AGBL4: variants seen among roughly 807,000 people sequenced by gnomAD.
The protein encoded by AGBL4 is AGBL carboxypeptidase 4.
A neutral mutation model predicts 66.4 loss-of-function variants in AGBL4; 58 were observed. That is an observed-to-expected ratio of 0.87 (90% confidence interval 0.71 to 1.09). AGBL4 has a LOEUF of 1.09. Among genes scored for constraint, AGBL4 ranks in the 50% least tolerant of loss-of-function variants. AGBL4 has a pLI of 0.00. For missense variants in AGBL4, 579 were observed against 631.0 expected, an observed-to-expected ratio of 0.92 and a Z score of 0.88; for synonymous variants, 234 against 222.9, an observed-to-expected ratio of 1.05 and a Z score of -0.44.
chr1:49,931,446 A>G (rs1653346734), intron 1 of AGBL4, among the ~76,000 whole-genome samples: 1 of 152,120 alleles, frequency 6.6e-6, no homozygotes, highest in Non-Finnish European at 1.5e-5. Flanking sequence ...TGGAAGGTGA[A>G]GGGGAAACAA....
At chr1:49,995,673 T>C (rs965636435) in intron 1 of AGBL4, 1 of 170,898 alleles carries the variant, frequency 5.9e-6, no homozygotes, top group African/African-American at 2.4e-5. Flanking sequence ...GCTTGTATTC[T>C]CCCTATACTA....
chr1:49,371,229 A>G (rs1000574613), intron 3 of AGBL4, among the ~76,000 whole-genome samples: 2 of 61,064 alleles, frequency 3.3e-5, no homozygotes, highest in African/African-American at 7.7e-5. Context: ...AGATAGATAT[A>G]TAGATAGATA....
intron 5 of AGBL4, among the ~76,000 whole-genome samples, chr1:48,888,643 A>G (rs936523137): frequency 1.3e-5 from 2 of 152,140 alleles, no homozygotes; most frequent in Admixed American, 6.5e-5. Flanking sequence ...TGCCTCCTGT[A>G]CAGCTTATGG....
At chr1:48,700,832 G>T (rs1035916543) in intron 6 of AGBL4, among the ~76,000 whole-genome samples, 1 of 152,180 alleles carries the variant, frequency 6.6e-6, no homozygotes, top group African/African-American at 2.4e-5. Flanking sequence ...TCTCAGGGAG[G>T]TGATGAATAC....
At chr1:48,578,648 T>C (rs139704847) in intron 11 of AGBL4, among the ~76,000 whole-genome samples, 394 of 152,280 alleles carry the variant, frequency 2.6e-3, no homozygotes, top group African/African-American at 9.2e-3. Context: ...CCCAACCACA[T>C]ACAGATGCCG....
In AGBL4 at chr1:49,281,192, A is replaced by C. The variant is rs1268597936; in HGVS notation, c.283-35328T>G. Reference sequence around the variant, plus strand: ...TGTTTTGGTCACTTTCACAGATGAGATGGGCTCTCTCACACAAAATTTGGT... The same window carrying C: ...TGTTTTGGTCACTTTCACAGATGAGCTGGGCTCTCTCACACAAAATTTGGT... On this transcript the variant is annotated intron_variant, in intron 3 of 13. Transcript: ENST00000371839. Among the ~76,000 whole-genome samples, 4 of 152,328 alleles carry C rather than the reference A, an allele frequency of 2.6e-5. No homozygotes were observed. The South Asian group carries it at 6.2e-4, about 24-fold the overall frequency.
intron 9 of AGBL4, among the ~76,000 whole-genome samples, chr1:48,628,098 G>A (rs751375760): frequency 1.3e-5 from 2 of 152,140 alleles, no homozygotes. Flanking sequence ...CTACAGTGCC[G>A]GGTTCTGTGC....
At chr1:49,993,402 C>T (rs1382705849) in intron 1 of AGBL4, among the ~76,000 whole-genome samples, 1 of 152,164 alleles carries the variant, frequency 6.6e-6, no homozygotes, top group African/African-American at 2.4e-5. Flanking sequence ...CTACTATACT[C>T]TTCCTTTCTA....
At chr1:48,675,291 C>A (rs950019531) in intron 6 of AGBL4, among the ~76,000 whole-genome samples, 1 of 152,192 alleles carries the variant, frequency 6.6e-6, no homozygotes. Context: ...CCCTAGACCC[C>A]CTTGACAGAA....
rs1269051774 is a variant in AGBL4, at chr1:49,790,835, GAGTAACAAC to G, written c.157+60552_157+60560del. On this transcript the variant is annotated intron_variant, in intron 2 of 13. Coordinates refer to ENST00000371839, the MANE Select transcript of AGBL4 (RefSeq NM_032785.4). The stretch of plus-strand genomic sequence containing the variant: ...GGTGAAAACCTGTATCTACAAGAAA[GAGTAACAAC>G]AGAAATGGCAGATAATCGACTATAT... Among the ~76,000 whole-genome samples, 10 of 152,268 alleles carry G rather than the reference GAGTAACAAC, an allele frequency of 6.6e-5. No homozygotes were observed. In the East Asian group the frequency reaches 1.9e-3, roughly 29 times the overall value.
In AGBL4 at chr1:49,733,819, T is replaced by C. The variant is rs1023817037; in HGVS notation, c.158-36382A>G. On this transcript the variant is annotated intron_variant, in intron 2 of 13. Coordinates refer to ENST00000371839, the MANE Select transcript of AGBL4 (RefSeq NM_032785.4). The stretch of plus-strand genomic sequence containing the variant: ...TTACTCTACAACCAAAGCCAGGCAA[T>C]GGCCCCACAAGAAAACTAATAACTA... Among the ~76,000 whole-genome samples the C allele has an allele frequency of 3.3e-5, 5 of 152,186 alleles. No individual in the cohort carries two copies. The South Asian group carries it at 1.0e-3, about 32-fold the overall frequency.
At chr1:49,590,600 G>C (rs1243871737) in intron 3 of AGBL4, among the ~76,000 whole-genome samples, 1 of 151,968 alleles carries the variant, frequency 6.6e-6, no homozygotes, top group Non-Finnish European at 1.5e-5. Context: ...TTACGTAAGA[G>C]AGCGTATAAT....
chr1:49,434,708 C>CTGGTGG lies in AGBL4; in HGVS notation c.283-188850_283-188845dup, dbSNP rs886754094. ...AGTGGTGGTGGTGGTGGTGGTGGTG[C>CTGGTGG]TGGTGGTGGTGGTGGTGGTGGTGGT... is the stretch of plus-strand genomic sequence containing the variant. On this transcript the variant is annotated intron_variant, in intron 3 of 13. Transcript: ENST00000371839. Among the ~76,000 whole-genome samples the CTGGTGG allele has an allele frequency of 1.1e-4, 16 of 143,818 alleles. No homozygotes were observed. In the South Asian group the frequency reaches 3.2e-3, roughly 28 times the overall value. The allele number at this position is 143,818 out of a possible 152,430, so 94.4% of individuals were successfully genotyped here. A position where few individuals can be genotyped will look rare whatever the true frequency, so the allele number is the denominator to read the frequency against.
chr1:49,115,254 C>T (rs1022555673), intron 4 of AGBL4, among the ~76,000 whole-genome samples: 1 of 152,092 alleles, frequency 6.6e-6, no homozygotes, highest in African/African-American at 2.4e-5. Context: ...CAGATGGGAA[C>T]TTGTTTAGGG....
intron 3 of AGBL4, among the ~76,000 whole-genome samples, chr1:49,364,257 T>C (rs950973671): frequency 2.6e-5 from 4 of 152,146 alleles, no homozygotes; most frequent in African/African-American, 9.7e-5. Context: ...TATAGTGTAG[T>C]ATAGGGCTAA....
At chr1:49,998,776 A>G (rs943945874) in intron 1 of AGBL4, among the ~76,000 whole-genome samples, 14 of 152,236 alleles carry the variant, frequency 9.2e-5, no homozygotes, top group Non-Finnish European at 1.9e-4. Context: ...GGGATGGTTT[A>G]ACATATGCAA....
At chr1:49,152,969 A>C (rs1646366379) in intron 4 of AGBL4, among the ~76,000 whole-genome samples, 1 of 152,142 alleles carries the variant, frequency 6.6e-6, no homozygotes, top group African/African-American at 2.4e-5. Flanking sequence ...CCTCACAATC[A>C]GAATGGAGAG....
intron 4 of AGBL4, among the ~76,000 whole-genome samples, chr1:49,152,440 C>T (rs912292489): frequency 3.9e-5 from 6 of 152,180 alleles, no homozygotes; most frequent in African/African-American, 1.4e-4. Flanking sequence ...CATCCAGTCT[C>T]GCCCACCAAG....
At chr1:49,987,741 T>C (rs1417401835) in intron 1 of AGBL4, among the ~76,000 whole-genome samples, 1 of 152,002 alleles carries the variant, frequency 6.6e-6, no homozygotes, top group Non-Finnish European at 1.5e-5. Context: ...TAATTTTTAT[T>C]ATAAACTTTT....
Sources: allele counts gnomAD v4.1 joint callset (sites outside exome capture counted in the v4.1 genomes callset), GRCh38; gene constraint gnomAD v4.1.1; transcripts MANE v1.5; gene names NCBI Gene and HGNC (gene_info 2026-07-23, HGNC 2026-07-21).